Variants in TPD52L1 observed in about 807,000 individuals in gnomAD.
TPD52L1 encodes the protein TPD52 like 1.
A neutral mutation model predicts 28.7 loss-of-function variants in TPD52L1; 18 were observed. The ratio of observed to expected loss-of-function variants is 0.63; its 90% CI spans 0.43 to 0.93. The LOEUF is 0.93. Among genes scored for constraint, TPD52L1 ranks in the 40% least tolerant of loss-of-function variants. TPD52L1 has a pLI of 0.00. For missense variants in TPD52L1, 203 were observed against 254.8 expected (o/e 0.80, Z 1.39); for synonymous variants, 75 against 88.8 (o/e 0.84, Z 0.88).
At chr6:125,204,384 C>T (rs1393938248) in intron 1 of TPD52L1, among the ~76,000 whole-genome samples, 1 of 152,134 alleles carries the variant, frequency 6.6e-6, no homozygotes, top group East Asian at 1.9e-4. Flanking sequence ...TTATTTGCTA[C>T]CCTTGTTAAT....
chr6:125,229,650 G>A (rs1285599591), intron 3 of TPD52L1, among the ~76,000 whole-genome samples: 1 of 152,156 alleles, frequency 6.6e-6, no homozygotes, highest in Non-Finnish European at 1.5e-5. Context: ...CACTCACTAT[G>A]TATGTCTTCC....
rs1409932898 is a variant in TPD52L1 at position 125,260,977 on chromosome 6, A to T, written c.487-1857A>T. On this transcript the variant is annotated intron_variant, in intron 6 of 6. Coordinates refer to ENST00000534000, the MANE Select transcript of TPD52L1 (RefSeq NM_003287.4). ...GAAAGAAAGAAAGAAAGAAAGAAAG[A>T]AAAGAAAAGAAAGAAAGAAAGAAAG... 8.2e-4 allele frequency: 36 copies of T among 43,822 alleles called. 3 individuals carry two copies. In the East Asian group the frequency reaches 0.021, roughly 26 times the overall value. 2.7% of individuals were successfully genotyped at this position (43,822 alleles called of 1,614,324 possible).
At chr6:125,172,802 A>C (rs1353668715) in intron 1 of TPD52L1, among the ~76,000 whole-genome samples, 1 of 151,492 alleles carries the variant, frequency 6.6e-6, no homozygotes, top group East Asian at 1.9e-4. Flanking sequence ...AGGTTCAATC[A>C]GAATTTATTG....
intron 1 of TPD52L1, among the ~76,000 whole-genome samples, chr6:125,210,153 G>C (rs188506201): frequency 6.6e-6 from 1 of 152,122 alleles, no homozygotes; most frequent in Admixed American, 6.5e-5. Context: ...AGGCCAGGCC[G>C]AATTATAAAT....
chr6:125,160,020 G>A (rs1314522582), intron 1 of TPD52L1, among the ~76,000 whole-genome samples: 1 of 152,134 alleles, frequency 6.6e-6, no homozygotes, highest in Non-Finnish European at 1.5e-5. Flanking sequence ...GTTCCCCTGA[G>A]TATGTCCTCT....
At chr6:125,193,426 C>T (rs1441761948) in intron 1 of TPD52L1, among the ~76,000 whole-genome samples, 1 of 151,960 alleles carries the variant, frequency 6.6e-6, no homozygotes, top group African/African-American at 2.4e-5. Context: ...GTGCCATAGC[C>T]TTCAGGAGTA....
intron 1 of TPD52L1, among the ~76,000 whole-genome samples, chr6:125,211,195 G>A (rs1434134859): frequency 2.0e-5 from 3 of 152,062 alleles, no homozygotes; most frequent in Admixed American, 6.6e-5. Context: ...AGGATAAAAG[G>A]AGAAAGTTGT....
intron 3 of TPD52L1, among the ~76,000 whole-genome samples, chr6:125,235,592 C>A (rs1796216761): frequency 6.6e-6 from 1 of 151,978 alleles, no homozygotes; most frequent in African/African-American, 2.4e-5. Flanking sequence ...TACTTGGAGC[C>A]CAATGGCCTA....
At chr6:125,184,454 A>G (rs2114833097) in intron 1 of TPD52L1, among the ~76,000 whole-genome samples, 1 of 152,328 alleles carries the variant, frequency 6.6e-6, no homozygotes, top group Non-Finnish European at 1.5e-5. Flanking sequence ...AAGGCATTTC[A>G]CTGACCAAGC....
intron 3 of TPD52L1, among the ~76,000 whole-genome samples, chr6:125,239,143 T>G (rs530782371): frequency 1.3e-5 from 2 of 152,232 alleles, no homozygotes; most frequent in African/African-American, 2.4e-5. Flanking sequence ...GTCTATTTTT[T>G]TTAATTTTTA....
intron 1 of TPD52L1, among the ~76,000 whole-genome samples, chr6:125,204,541 G>A (rs1271168456): frequency 6.6e-6 from 1 of 151,964 alleles, no homozygotes; most frequent in Non-Finnish European, 1.5e-5. Flanking sequence ...GTGCAGTGGG[G>A]CGATCTCGGC....
chr6:125,258,537 A>G (rs1222165182), intron 6 of TPD52L1, among the ~76,000 whole-genome samples: 1 of 152,238 alleles, frequency 6.6e-6, no homozygotes, highest in African/African-American at 2.4e-5. Flanking sequence ...ATTGCTTGTT[A>G]GACAAGTTCT....
rs747246218 is a variant in TPD52L1, at chr6:125,248,316, G to C, written c.319G>C (p.Gly107Arg). 1.2e-6 allele frequency: 2 copies of C among 1,614,092 alleles called. No homozygotes were observed. The highest frequency in any genetic ancestry group is 1.7e-6 in the Non-Finnish European group (2 of 1,180,010). ...AACACATGAAACCCTGAGTCACGCA[G>C]GGCAAAAGGCAACTGCAGCTTTCAG... ...KKTHETLSHA[G>R]QKATAAFSNV... Residue 107 changes from glycine (G) to arginine (R), a missense_variant, in exon 4 of 7, where the codon GGG becomes CGG. Gly to Arg is a moderately radical substitution (Grantham distance 125). Coordinates refer to ENST00000534000, the MANE Select transcript of TPD52L1 (RefSeq NM_003287.4).
chr6:125,168,335 A>T (rs1333325823), intron 1 of TPD52L1, among the ~76,000 whole-genome samples: 1 of 152,138 alleles, frequency 6.6e-6, no homozygotes, highest in South Asian at 2.1e-4. Context: ...CTCCCCTCAG[A>T]TGATTCCCTG....
chr6:125,242,067 A>G (rs1796646004), intron 3 of TPD52L1, among the ~76,000 whole-genome samples: 1 of 152,066 alleles, frequency 6.6e-6, no homozygotes, highest in East Asian at 1.9e-4. Context: ...TTCCATCTTG[A>G]TTTCATTGTT....
At chr6:125,205,268 C>A (rs1337018685) in intron 1 of TPD52L1, among the ~76,000 whole-genome samples, 2 of 152,166 alleles carry the variant, frequency 1.3e-5, no homozygotes, top group Middle Eastern at 3.2e-3. Context: ...AACTTGGTGA[C>A]CCCGACCTGA....
chr6:125,250,544 C>A (rs1054613210), intron 4 of TPD52L1, among the ~76,000 whole-genome samples: 2 of 152,158 alleles, frequency 1.3e-5, no homozygotes, highest in East Asian at 3.8e-4. Context: ...AAGTGACCAG[C>A]TCAGTTACAA....
intron 3 of TPD52L1, among the ~76,000 whole-genome samples, chr6:125,235,865 A>T (rs1442209625): frequency 6.6e-6 from 1 of 152,178 alleles, no homozygotes; most frequent in Admixed American, 6.5e-5. Context: ...ACATAGTGGG[A>T]TCCCAAGTCT....
chr6:125,254,881 G>A (rs895836026), intron 5 of TPD52L1, among the ~76,000 whole-genome samples: 9 of 152,180 alleles, frequency 5.9e-5, no homozygotes, highest in East Asian at 1.9e-4. Context: ...TTAGATAAAT[G>A]TCTGTTCTAT....
Sources: allele counts gnomAD v4.1 joint callset (sites outside exome capture counted in the v4.1 genomes callset), GRCh38; gene constraint gnomAD v4.1.1; transcripts MANE v1.5; gene names NCBI Gene and HGNC (gene_info 2026-07-23, HGNC 2026-07-21).